Variants in ADD2 observed in about 807,000 individuals in gnomAD.
ADD2 encodes beta-adducin.
In ADD2, 23 loss-of-function variants were observed where a neutral mutation model predicts 83.0. The observed-to-expected ratio is 0.28, with a 90% CI of 0.20 to 0.39. ADD2 has a LOEUF of 0.39. Among genes scored for constraint, ADD2 ranks in the 10% least tolerant of loss-of-function variants. The pLI, the probability that ADD2 is intolerant of heterozygous loss-of-function variation, is 1.00. For synonymous variants in ADD2, 375 were observed against 375.4 expected, an observed-to-expected ratio of 1.00 and a Z score of 0.01; for missense variants, 758 against 944.9, an observed-to-expected ratio of 0.80 and a Z score of 2.59.
chr2:70,734,629 G>C (rs1368932292), intron 1 of ADD2, among the ~76,000 whole-genome samples: 3 of 152,226 alleles, frequency 2.0e-5, no homozygotes, highest in Non-Finnish European at 4.4e-5. Context: ...CCACTGGCAG[G>C]AGAGGAGAAA....
Position 70,676,446 on chromosome 2 carries a change from C to G in ADD2, c.1593+350G>C, listed in dbSNP as rs1175160488. On this transcript the variant is annotated intron_variant, in intron 13 of 15. Coordinates refer to ENST00000264436, the MANE Select transcript of ADD2 (RefSeq NM_001617.4). This position sits in a 1 kb window ranked among gnomAD's most constrained non-coding sequence, Gnocchi z 4.8. The stretch of plus-strand genomic sequence containing the variant: ...TCAGGGCTGGGCACACCTGGGGCAC[C>G]TGGGAGTCTCCAGCCCCAAGCCTAT... The G allele has an allele frequency of 3.2e-6, 4 of 1,243,934 alleles. No homozygotes were observed. The African/African-American group carries it at 6.1e-5, about 19-fold the overall frequency. The allele number at this position is 1,243,934 out of a possible 1,614,324, so 77.1% of individuals were successfully genotyped here.
Position 70,660,482 on chromosome 2 carries a change from A to T in ADD2, c.*2943T>A, listed in dbSNP as rs1032067084. The stretch of plus-strand genomic sequence containing the variant: ...CACGCCCATCCAGTCCACAGTCTCC[A>T]TTCAGCCACCAAAGGGATTTTCCTA... On this transcript the variant is annotated 3_prime_UTR_variant, in exon 16 of 16. Transcript: ENST00000264436. The T allele has an allele frequency of 2.0e-5, 3 of 152,464 alleles. No individual in the cohort carries two copies. Among genetic ancestry groups the T allele is most frequent in the Admixed American group, 6.5e-5 (1 of 15,284 alleles). The allele number at this position is 152,464 out of a possible 1,614,324, so 9.4% of individuals were successfully genotyped here. A position where few individuals can be genotyped will look rare whatever the true frequency, so the allele number is the denominator to read the frequency against.
chr2:70,699,458 A>G (rs1467445512), intron 4 of ADD2, among the ~76,000 whole-genome samples: 9 of 152,218 alleles, frequency 5.9e-5, no homozygotes, highest in Non-Finnish European at 1.0e-4. Context: ...ACAGAATGTC[A>G]GATGGCAATG....
chr2:70,696,760 T>TGGGAAA (rs1671333405), intron 4 of ADD2, among the ~76,000 whole-genome samples: 1 of 152,186 alleles, frequency 6.6e-6, no homozygotes, highest in Non-Finnish European at 1.5e-5. Context: ...GTATATTTCA[T>TGGGAAA]CAGTTATTAT....
intron 1 of ADD2, among the ~76,000 whole-genome samples, chr2:70,763,385 T>G (rs1414044765): frequency 6.6e-6 from 1 of 152,044 alleles, no homozygotes; most frequent in Admixed American, 6.5e-5. Context: ...ATATTGTGGC[T>G]GCAATCTCTT....
At chr2:70,717,305 C>T (rs1328564606) in intron 1 of ADD2, among the ~76,000 whole-genome samples, 2 of 152,186 alleles carry the variant, frequency 1.3e-5, no homozygotes, top group Non-Finnish European at 2.9e-5. Flanking sequence ...AATCACATTT[C>T]TATGGATCGT....
Position 70,676,531 on chromosome 2 carries a change from C to T in ADD2, c.1593+265G>A, listed in dbSNP as rs1375356646. ...GAGTGGAGTTCCATGGCAGGAGGTA[C>T]GGAAGCCGGCCGCATCACTCCTGCA... is the stretch of plus-strand genomic sequence containing the variant. On this transcript the variant is annotated intron_variant, in intron 13 of 15. Coordinates refer to ENST00000264436, the MANE Select transcript of ADD2 (RefSeq NM_001617.4). The surrounding 1 kb of genome is among the most constrained non-coding windows in gnomAD (Gnocchi z 4.8). 6.3e-5 allele frequency: 87 copies of T among 1,384,984 alleles called. No individual in the cohort carries two copies. In the Admixed American group the frequency reaches 7.7e-4, roughly 12 times the overall value. 85.8% of individuals were successfully genotyped at this position (1,384,984 alleles called of 1,614,324 possible). A position where few individuals can be genotyped will look rare whatever the true frequency, so the allele number is the denominator to read the frequency against.
intron 1 of ADD2, among the ~76,000 whole-genome samples, chr2:70,729,248 G>A (rs530281174): frequency 1.1e-4 from 17 of 152,178 alleles, no homozygotes; most frequent in Admixed American, 3.3e-4. Flanking sequence ...CATGCACCAT[G>A]TTCCTTCCAG....
chr2:70,712,676 A>G (rs1259645220), intron 2 of ADD2, among the ~76,000 whole-genome samples: 1 of 152,048 alleles, frequency 6.6e-6, no homozygotes, highest in Non-Finnish European at 1.5e-5. Flanking sequence ...AGAACTAGGA[A>G]ACCAGGTGGT....
intron 1 of ADD2, among the ~76,000 whole-genome samples, chr2:70,728,105 G>T (rs1673102020): frequency 6.6e-6 from 1 of 152,094 alleles, no homozygotes; most frequent in Non-Finnish European, 1.5e-5. Flanking sequence ...GCTGTGCTCC[G>T]CATTCTCCCC....
intron 15 of ADD2, among the ~76,000 whole-genome samples, chr2:70,668,582 A>G (rs1669776031): frequency 1.3e-5 from 2 of 152,242 alleles, no homozygotes; most frequent in African/African-American, 4.8e-5. Context: ...GCTCAGTGAC[A>G]ACATGTTCAA....
intron 2 of ADD2, among the ~76,000 whole-genome samples, chr2:70,711,888 G>A (rs543101441): frequency 6.6e-6 from 1 of 152,346 alleles, no homozygotes; most frequent in Non-Finnish European, 1.5e-5. Context: ...GGAAGCATGG[G>A]TGACCTGGGG....
intron 1 of ADD2, among the ~76,000 whole-genome samples, chr2:70,733,513 C>T (rs1263235377): frequency 2.0e-5 from 3 of 152,170 alleles, no homozygotes; most frequent in Admixed American, 2.0e-4. Flanking sequence ...TTATCAAGCG[C>T]TGAGTTTAAT....
chr2:70,678,007 C>T (rs1404149203), intron 11 of ADD2, 130 bp from the exon 12 acceptor site: 20 of 1,242,242 alleles, frequency 1.6e-5, no homozygotes, highest in Non-Finnish European at 2.2e-5. Flanking sequence ...TAGACACTCT[C>T]TCTTCTTAGG....
intron 1 of ADD2, chr2:70,767,503 A>G: frequency 2.5e-6 from 1 of 393,104 alleles, no homozygotes; most frequent in Non-Finnish European, 3.6e-6. Context: ...GCGGGAAGGA[A>G]AGAGAGGGGA....
intron 10 of ADD2, among the ~76,000 whole-genome samples, chr2:70,680,905 C>G (rs1553369412): frequency 2.0e-5 from 3 of 152,144 alleles, no homozygotes; most frequent in Non-Finnish European, 4.4e-5. Flanking sequence ...CACAAGCTGG[C>G]TGGCTTTGCT....
intron 15 of ADD2, among the ~76,000 whole-genome samples, chr2:70,666,145 C>A (rs1675793051): frequency 6.6e-6 from 1 of 152,216 alleles, no homozygotes; most frequent in African/African-American, 2.4e-5. Context: ...TCTCCTCCCC[C>A]TTCTACACTG....
intron 15 of ADD2, among the ~76,000 whole-genome samples, chr2:70,665,141 G>A (rs1194425472): frequency 2.0e-5 from 3 of 152,188 alleles, no homozygotes; most frequent in Non-Finnish European, 2.9e-5. Context: ...GAGGGAGCGA[G>A]TGAAGGACTC....
chr2:70,683,825 C>G, intron 9 of ADD2, 58 bp from the exon 10 acceptor site: 1 of 1,550,650 alleles, frequency 6.4e-7, no homozygotes, highest in South Asian at 1.2e-5. Context: ...CTGCACTTAT[C>G]TATGCTCCTG....
Sources: gnomAD v4.1 joint callset for allele counts (sites outside exome capture counted in the v4.1 genomes callset) on GRCh38, gnomAD v4.1.1 for gene constraint, Gnocchi (gnomAD v3.1) non-coding constraint, MANE v1.5 for transcripts, NCBI Gene and HGNC (gene_info 2026-07-23, HGNC 2026-07-21) for gene names.